ACBD6: variants seen among roughly 807,000 people sequenced by gnomAD.
ACBD6 encodes the protein acyl-CoA-binding domain-containing protein 6.
Under a neutral mutation model 37.2 loss-of-function variants are expected in ACBD6, and 28 were observed. The observed-to-expected ratio is 0.75, with a 90% confidence interval of 0.56 to 1.03. The LOEUF is 1.03. ACBD6 is among the 50% of genes least tolerant of loss of function. The pLI, the probability that ACBD6 is intolerant of heterozygous loss-of-function variation, is 0.00. For missense variants in ACBD6, 340 were observed against 337.4 expected (o/e 1.01, Z -0.06); for synonymous variants, 113 against 126.8 (o/e 0.89, Z 0.73).
At chr1:180,367,840 T>C (rs1285243852) in intron 6 of ACBD6, among the ~76,000 whole-genome samples, 1 of 152,246 alleles carries the variant, frequency 6.6e-6, no homozygotes, top group Non-Finnish European at 1.5e-5. Flanking sequence ...TGAATAGTAC[T>C]GCAGTGAACA....
chr1:180,320,528 A>C (rs1214360962), intron 6 of ACBD6, among the ~76,000 whole-genome samples: 1 of 152,058 alleles, frequency 6.6e-6, no homozygotes, highest in Non-Finnish European at 1.5e-5. Context: ...AATCCCAGCT[A>C]CCTGGGAGGC....
exon 14 of ACBD6, chr1:180,270,936 T>G: frequency 7.8e-6 from 2 of 256,946 alleles, no homozygotes; most frequent in South Asian, 8.6e-5. Context: ...TGTGGGGAAA[T>G]GGGAGACTCC....
rs566168163 is a variant in ACBD6 at position 180,413,661 on chromosome 1, T to C, written c.468-190A>G. On this transcript the variant is annotated intron_variant, in intron 4 of 7. Coordinates refer to ENST00000367595, the MANE Select transcript of ACBD6 (RefSeq NM_032360.4). ...CCTGAAAAGACTAAAGTTCTTAGTT[T>C]CCTACTTGCCTTACAGGATAAGAGA... is the stretch of plus-strand genomic sequence containing the variant. Among the ~76,000 whole-genome samples, 55 of 152,274 alleles carry C rather than the reference T, an allele frequency of 3.6e-4. 1 individual carries two copies. The highest frequency in any genetic ancestry group is 2.4e-4 in the Non-Finnish European group (16 of 68,012).
intron 3 of ACBD6, among the ~76,000 whole-genome samples, chr1:180,464,825 T>C (rs1289166544): frequency 1.3e-5 from 2 of 152,148 alleles, no homozygotes; most frequent in East Asian, 3.8e-4. Flanking sequence ...ATGGTACTTG[T>C]ATAAAAACAG....
chr1:180,289,038 TA>T (rs11353397), intron 7 of ACBD6, among the ~76,000 whole-genome samples: 84,768 of 102,934 alleles, frequency 0.82, 34,138 homozygotes, highest in Middle Eastern at 0.9. Flanking sequence ...CTACAGGAAC[TA>T]AAAAAAAAAA....
intron 6 of ACBD6, among the ~76,000 whole-genome samples, chr1:180,371,409 G>C (rs1653258615): frequency 6.6e-6 from 1 of 152,026 alleles, no homozygotes; most frequent in South Asian, 2.1e-4. Flanking sequence ...TGAAGGTCTG[G>C]CAGGTAGATA....
chr1:180,326,156 G>T (rs1250036836), intron 6 of ACBD6, among the ~76,000 whole-genome samples: 6 of 152,154 alleles, frequency 3.9e-5, no homozygotes, highest in Non-Finnish European at 8.8e-5. Flanking sequence ...ATGCTGTCTG[G>T]GAGCTAGGGA....
intron 6 of ACBD6, among the ~76,000 whole-genome samples, chr1:180,394,376 C>G (rs1220709282): frequency 6.6e-6 from 1 of 151,150 alleles, no homozygotes; most frequent in African/African-American, 2.4e-5. Context: ...AGGCATGAGC[C>G]ATCACATCTG....
intron 1 of ACBD6, among the ~76,000 whole-genome samples, chr1:180,501,616 C>G (rs1028160623): frequency 6.6e-6 from 1 of 152,194 alleles, no homozygotes; most frequent in African/African-American, 2.4e-5. Flanking sequence ...CCACGCCCAG[C>G]CCTGCATCAC....
intron 3 of ACBD6, among the ~76,000 whole-genome samples, chr1:180,437,992 C>A (rs565056032): frequency 2.6e-5 from 4 of 152,258 alleles, no homozygotes; most frequent in African/African-American, 9.6e-5. Flanking sequence ...CAATACATGG[C>A]CTGTCAGGAA....
intron 3 of ACBD6, among the ~76,000 whole-genome samples, chr1:180,432,294 T>C (rs1648846022): frequency 6.6e-6 from 1 of 152,100 alleles, no homozygotes. Context: ...CTGTGAAAGA[T>C]ATTGTTCAGA....
At chr1:180,371,117 T>C (rs1160218480) in intron 6 of ACBD6, among the ~76,000 whole-genome samples, 1 of 152,068 alleles carries the variant, frequency 6.6e-6, no homozygotes, top group African/African-American at 2.4e-5. Flanking sequence ...ATTTGAATCT[T>C]GACTGTATAG....
intron 2 of ACBD6, among the ~76,000 whole-genome samples, chr1:180,493,803 T>A (rs187490025): frequency 1.3e-5 from 2 of 152,348 alleles, no homozygotes; most frequent in South Asian, 4.1e-4. Context: ...TATCTTCAGC[T>A]TTTTTGTCTT....
At chr1:180,489,979 T>C (rs943224434) in intron 3 of ACBD6, among the ~76,000 whole-genome samples, 1 of 152,104 alleles carries the variant, frequency 6.6e-6, no homozygotes, top group Non-Finnish European at 1.5e-5. Flanking sequence ...TTAAGAGTAA[T>C]AGTTAACAAA....
intron 6 of ACBD6, among the ~76,000 whole-genome samples, chr1:180,385,836 G>A (rs116509124): frequency 1.7e-3 from 260 of 152,180 alleles, no homozygotes; most frequent in African/African-American, 5.6e-3. Context: ...TTGTTACAGC[G>A]GACCAAGTAG....
intron 6 of ACBD6, among the ~76,000 whole-genome samples, chr1:180,367,197 T>C (rs1653084160): frequency 6.6e-6 from 1 of 152,230 alleles, no homozygotes; most frequent in African/African-American, 2.4e-5. Flanking sequence ...ATTTGTCTTT[T>C]TGTTAGCCCA....
chr1:180,309,271 G>A (rs191264324), intron 7 of ACBD6, among the ~76,000 whole-genome samples: 1 of 152,282 alleles, frequency 6.6e-6, no homozygotes, highest in East Asian at 1.9e-4. Context: ...AGAAAACAGA[G>A]CTTATTTGAA....
intron 3 of ACBD6, chr1:180,435,777 C>G: frequency 1.1e-6 from 1 of 878,140 alleles, no homozygotes; most frequent in Non-Finnish European, 2.0e-6. Flanking sequence ...CAGATTGACT[C>G]TGACAGCTGC....
At chr1:180,314,808 T>G (rs902871496) in intron 6 of ACBD6, 86 bp from the exon 7 acceptor site, 6 of 1,002,604 alleles carry the variant, frequency 6.0e-6, no homozygotes, top group Admixed American at 1.8e-5. Context: ...ATTTATCTGA[T>G]ATACCAAAGT....
Sources: gnomAD v4.1 joint callset for allele counts (sites outside exome capture counted in the v4.1 genomes callset) on GRCh38, gnomAD v4.1.1 for gene constraint, MANE v1.5 for transcripts, NCBI Gene and HGNC (gene_info 2026-07-23, HGNC 2026-07-21) for gene names.